SMPD3: variants seen among roughly 807,000 people sequenced by gnomAD.
SMPD3 encodes the protein sphingomyelin phosphodiesterase 3, also known as nSMase-2.
In SMPD3, 21 loss-of-function variants were observed where a neutral mutation model predicts 55.7. The ratio of observed to expected loss-of-function variants is 0.38; its 90% CI spans 0.27 to 0.54. The LOEUF is 0.54. SMPD3 is among the 20% of genes least tolerant of loss of function. The pLI, the probability that SMPD3 is intolerant of heterozygous loss-of-function variation, is 0.80. For missense variants in SMPD3, 842 were observed against 899.6 expected (o/e 0.94, Z 0.82); for synonymous variants, 457 against 404.3 (o/e 1.13, Z -1.56).
chr16:68,415,933 C>T (rs1004938956), intron 1 of SMPD3, among the ~76,000 whole-genome samples: 2 of 152,072 alleles, frequency 1.3e-5, no homozygotes, highest in African/African-American at 4.8e-5. Flanking sequence ...GCTTTGCCCC[C>T]AGATGTGTCC....
intron 2 of SMPD3, among the ~76,000 whole-genome samples, chr16:68,381,333 A>G (rs1266986795): frequency 6.6e-6 from 1 of 152,172 alleles, no homozygotes; most frequent in Non-Finnish European, 1.5e-5. Flanking sequence ...CCTTTGAGAG[A>G]GGATGCCCCA....
intron 2 of SMPD3, among the ~76,000 whole-genome samples, chr16:68,381,801 C>T (rs2089957414): frequency 6.6e-6 from 1 of 152,130 alleles, no homozygotes; most frequent in Admixed American, 6.5e-5. Flanking sequence ...CCATCCTGAC[C>T]AATAGAGGAC....
intron 1 of SMPD3, among the ~76,000 whole-genome samples, chr16:68,434,773 A>G (rs1353924892): frequency 6.6e-6 from 1 of 152,170 alleles, no homozygotes; most frequent in African/African-American, 2.4e-5. Flanking sequence ...ATTGCCTCCA[A>G]TGAATGTTTT....
chr16:68,406,789 G>C (rs1378687758), intron 1 of SMPD3, among the ~76,000 whole-genome samples: 2 of 152,168 alleles, frequency 1.3e-5, no homozygotes, highest in Admixed American at 1.3e-4. Flanking sequence ...AGACACAAAA[G>C]ACTCAGAAAA....
In SMPD3 at chr16:68,438,970, C is replaced by A. The variant is rs577017156; in HGVS notation, c.-269+9383G>T. The stretch of plus-strand genomic sequence containing the variant: ...AGTCCCTGAGCATTGCTTTCCTCAG[C>A]CGTAAAGTAAGGATAATAATGGTAT... On this transcript the variant is annotated intron_variant, in intron 1 of 8. Transcript: ENST00000219334. 2.6e-5 allele frequency among the ~76,000 whole-genome samples: 4 copies of A among 152,246 alleles called. No homozygotes were observed. In the South Asian group the frequency reaches 8.3e-4, roughly 32 times the overall value.
chr16:68,418,404 T>C (rs1399654525), intron 1 of SMPD3, among the ~76,000 whole-genome samples: 1 of 151,064 alleles, frequency 6.6e-6, no homozygotes, highest in Non-Finnish European at 1.5e-5. Flanking sequence ...AGATGGGTGA[T>C]GAGTAATTTA....
rs193042677 is a variant in SMPD3, at chr16:68,424,354, C to A, written c.-269+23999G>T. 5.8e-3 allele frequency among the ~76,000 whole-genome samples: 878 copies of A among 152,114 alleles called. 6 individuals carry two copies. The highest frequency in any genetic ancestry group is 9.6e-3 in the Non-Finnish European group (652 of 67,992). The stretch of plus-strand genomic sequence containing the variant: ...CCCCTCCACAATGGGGCTGCAGGGG[C>A]CGTAGGGGGAATAAGCATCAGCAGA... On this transcript the variant is annotated intron_variant, in intron 1 of 8. Coordinates refer to ENST00000219334, the MANE Select transcript of SMPD3 (RefSeq NM_018667.4).
chr16:68,398,852 T>C (rs2090182745), intron 1 of SMPD3, among the ~76,000 whole-genome samples: 1 of 152,178 alleles, frequency 6.6e-6, no homozygotes, highest in Admixed American at 6.5e-5. Flanking sequence ...GGAGCACCCA[T>C]CAGGCGGGAT....
Position 68,360,878 on chromosome 16 carries a change from A to C in SMPD3, c.*328T>G. 1 of 283,712 alleles carries C rather than the reference A, an allele frequency of 3.5e-6. No homozygotes were observed. The highest frequency in any genetic ancestry group is 6.7e-6 in the Non-Finnish European group (1 of 149,738). The allele number at this position is 283,712 out of a possible 1,614,324, so 17.6% of individuals were successfully genotyped here. ...TAAAGAACCCTGGACGAAGCTTAAGAGGAGATACAGAGAGTACACGAACCC... is the reference window on the plus strand; with the variant it reads ...TAAAGAACCCTGGACGAAGCTTAAGCGGAGATACAGAGAGTACACGAACCC... On this transcript the variant is annotated 3_prime_UTR_variant, in exon 9 of 9. Coordinates refer to ENST00000219334, the MANE Select transcript of SMPD3 (RefSeq NM_018667.4).
chr16:68,393,232 C>T (rs2090127726), intron 1 of SMPD3, among the ~76,000 whole-genome samples: 1 of 152,036 alleles, frequency 6.6e-6, no homozygotes, highest in African/African-American at 2.4e-5. Flanking sequence ...TGGTAAAACC[C>T]CATCTCTAGT....
intron 1 of SMPD3, among the ~76,000 whole-genome samples, chr16:68,394,975 G>C (rs1159467751): frequency 6.6e-6 from 1 of 151,828 alleles, no homozygotes; most frequent in Non-Finnish European, 1.5e-5. Context: ...GTTTTAAATT[G>C]TTGCTTGAAT....
At chr16:68,384,756 C>T (rs919619364) in intron 2 of SMPD3, among the ~76,000 whole-genome samples, 6 of 152,130 alleles carry the variant, frequency 3.9e-5, no homozygotes, top group Non-Finnish European at 5.9e-5. Context: ...CCACTCCCCC[C>T]GCAAGCACTC....
intron 2 of SMPD3, among the ~76,000 whole-genome samples, chr16:68,378,332 G>C (rs1463472096): frequency 6.6e-6 from 1 of 152,202 alleles, no homozygotes; most frequent in Non-Finnish European, 1.5e-5. Context: ...TCAACTCGTG[G>C]CTGGGAGGAC....
At chr16:68,409,200 C>T in intron 1 of SMPD3, among the ~76,000 whole-genome samples, 1 of 152,246 alleles carries the variant, frequency 6.6e-6, no homozygotes, top group East Asian at 1.9e-4. Context: ...CTCTAAAGCT[C>T]TTTTGTGTTT....
chr16:68,403,904 A>G (rs2152013552), intron 1 of SMPD3, among the ~76,000 whole-genome samples: 1 of 152,300 alleles, frequency 6.6e-6, no homozygotes, highest in Non-Finnish European at 1.5e-5. Flanking sequence ...CAGGAGTCAG[A>G]GGGGCCAGCT....
At chr16:68,429,417 C>G (rs2090462912) in intron 1 of SMPD3, among the ~76,000 whole-genome samples, 1 of 152,212 alleles carries the variant, frequency 6.6e-6, no homozygotes. Flanking sequence ...CTATGGAAAC[C>G]TTGGTGCTGG....
intron 1 of SMPD3, among the ~76,000 whole-genome samples, chr16:68,403,599 T>C (rs2090229234): frequency 6.6e-6 from 1 of 152,228 alleles, no homozygotes; most frequent in Non-Finnish European, 1.5e-5. Flanking sequence ...TTGTAATCAT[T>C]ACTCTTGATC....
chr16:68,379,179 CCT>C (rs2089891919), intron 2 of SMPD3, among the ~76,000 whole-genome samples: 1 of 152,250 alleles, frequency 6.6e-6, no homozygotes, highest in South Asian at 2.1e-4. Flanking sequence ...TGGAGGCTCC[CCT>C]GAGTCCTGGG....
At chr16:68,441,060 A>G (rs1345111382) in intron 1 of SMPD3, among the ~76,000 whole-genome samples, 1 of 152,220 alleles carries the variant, frequency 6.6e-6, no homozygotes. Flanking sequence ...TGCTTGATTT[A>G]TCTGAAAATT....
Sources: allele counts gnomAD v4.1 joint callset (sites outside exome capture counted in the v4.1 genomes callset), GRCh38; gene constraint gnomAD v4.1.1; transcripts MANE v1.5; gene names NCBI Gene and HGNC (gene_info 2026-07-23, HGNC 2026-07-21).